CC2D2A: variants seen among roughly 807,000 people sequenced by gnomAD.
The protein encoded by CC2D2A is coiled-coil and C2 domain-containing protein 2A.
A neutral mutation model predicts 212.9 loss-of-function variants in CC2D2A; 155 were observed. That is an observed-to-expected ratio of 0.73 (90% CI 0.64 to 0.83). The LOEUF is 0.83. CC2D2A is among the 40% of genes least tolerant of loss of function. CC2D2A has a pLI of 0.00. For missense variants in CC2D2A, 1,856 were observed against 1,956.2 expected, an observed-to-expected ratio of 0.95 and a Z score of 0.97; for synonymous variants, 667 against 686.5, an observed-to-expected ratio of 0.97 and a Z score of 0.44.
chr4:15,569,731 G>A (rs764628209), intron 27 of CC2D2A, among the ~76,000 whole-genome samples: 1 of 152,118 alleles, frequency 6.6e-6, no homozygotes, highest in African/African-American at 2.4e-5. Flanking sequence ...TAAAGGATTC[G>A]TTTTCTAAAT....
chr4:15,501,911 G>A (rs946713463), intron 4 of CC2D2A, among the ~76,000 whole-genome samples: 2 of 152,152 alleles, frequency 1.3e-5, no homozygotes, highest in Non-Finnish European at 2.9e-5. Flanking sequence ...TACACAAAAT[G>A]TATATTGTCT....
At chr4:15,491,282 C>A (rs1268254343) in intron 4 of CC2D2A, among the ~76,000 whole-genome samples, 4 of 152,192 alleles carry the variant, frequency 2.6e-5, no homozygotes, top group Non-Finnish European at 5.9e-5. Context: ...TAATTATACC[C>A]TTTACAGTCG....
In CC2D2A at chr4:15,510,119, A is replaced by AT; in HGVS notation, c.439-13dup. 4 of 1,577,780 alleles carry AT rather than the reference A, an allele frequency of 2.5e-6. No individual in the cohort carries two copies. Among genetic ancestry groups the AT allele is most frequent in the African/African-American group, 2.7e-5 (2 of 74,130 alleles). ...TCTTGGGTTAAATGGTTTATCTATCATTTTTTTCCACTCATATAGCCAGGG... is the reference window on the plus strand; with the variant it reads ...TCTTGGGTTAAATGGTTTATCTATCATTTTTTTTCCACTCATATAGCCAGGG... On this transcript the variant is annotated intron_variant, in intron 6 of 36. Transcript: ENST00000424120.
intron 33 of CC2D2A, among the ~76,000 whole-genome samples, chr4:15,594,683 G>A (rs530900525): frequency 6.6e-6 from 1 of 152,296 alleles, no homozygotes; most frequent in African/African-American, 2.4e-5. Flanking sequence ...TTTAGTGGGA[G>A]GAACTGCAAA....
intron 1 of CC2D2A, among the ~76,000 whole-genome samples, chr4:15,471,971 C>A (rs931600010): frequency 6.6e-6 from 1 of 152,178 alleles, no homozygotes; most frequent in Non-Finnish European, 1.5e-5. Context: ...TAAAATAAAT[C>A]ATTGGCTTAA....
chr4:15,506,472 T>C (rs941065461), intron 6 of CC2D2A, among the ~76,000 whole-genome samples: 4 of 152,244 alleles, frequency 2.6e-5, no homozygotes, highest in African/African-American at 9.6e-5. Flanking sequence ...AGATTACTAA[T>C]GTTAAGCTTT....
Position 15,527,459 on chromosome 4 carries a change from G to T in CC2D2A, c.1162G>T (p.Val388Phe). The T allele has an allele frequency of 1.9e-6, 3 of 1,612,702 alleles. No individual in the cohort carries two copies. The highest frequency in any genetic ancestry group is 2.2e-5 in the East Asian group (1 of 44,874). Residue 388 changes from valine (V) to phenylalanine (F), a missense_variant, in exon 12 of 37, where the codon GTT becomes TTT. This residue lies in a region of CC2D2A where 1,512 missense variants were observed against 1,579.3 expected (regional missense o/e 0.96). Transcript: ENST00000424120. ...ETLYKKAVKY[V>F]HSSQHVIRSG... ...CTTTCCTTGGCAGGCTGTAAAATAC[G>T]TTCACAGTAGTCAGCATGTGATCAG...
At chr4:15,485,135 C>G (rs1004901120) in intron 4 of CC2D2A, among the ~76,000 whole-genome samples, 3 of 152,180 alleles carry the variant, frequency 2.0e-5, no homozygotes, top group African/African-American at 7.2e-5. Context: ...AACAAATGCT[C>G]AAGACAGGGT....
chr4:15,493,303 C>A (rs1715426675), intron 4 of CC2D2A, among the ~76,000 whole-genome samples: 1 of 152,008 alleles, frequency 6.6e-6, no homozygotes, highest in South Asian at 2.1e-4. Context: ...AGGTCTGGCT[C>A]TGTTGCTCAG....
chr4:15,542,225 T>C (rs1010852534), intron 17 of CC2D2A, among the ~76,000 whole-genome samples: 1 of 152,226 alleles, frequency 6.6e-6, no homozygotes, highest in Non-Finnish European at 1.5e-5. Context: ...CGGACATCAA[T>C]ATGTGGAGGA....
intron 33 of CC2D2A, among the ~76,000 whole-genome samples, chr4:15,595,061 C>T (rs940730471): frequency 4.6e-5 from 7 of 152,112 alleles, no homozygotes; most frequent in Non-Finnish European, 7.4e-5. Flanking sequence ...GTGATCCTCC[C>T]GCTTTGGCCT....
At chr4:15,498,309 T>G (rs2108993691) in intron 4 of CC2D2A, among the ~76,000 whole-genome samples, 1 of 152,354 alleles carries the variant, frequency 6.6e-6, no homozygotes, top group Admixed American at 6.5e-5. Context: ...TTTAATGGAA[T>G]GTCCTAAAAT....
intron 36 of CC2D2A, among the ~76,000 whole-genome samples, chr4:15,600,918 A>G (rs974687129): frequency 7.8e-5 from 9 of 115,934 alleles, no homozygotes; most frequent in Non-Finnish European, 1.6e-4. Context: ...AAAAAAAAAA[A>G]AAAGAAAAAA....
chr4:15,474,534 G>GTT, intron 1 of CC2D2A, among the ~76,000 whole-genome samples: 1 of 152,148 alleles, frequency 6.6e-6, no homozygotes, highest in African/African-American at 2.4e-5. Context: ...ATAACACAAT[G>GTT]AAAGGACTAT....
chr4:15,587,998 C>A, intron 32 of CC2D2A, 69 bp downstream of exon 32: 1 of 812,672 alleles, frequency 1.2e-6, no homozygotes, highest in Non-Finnish European at 2.0e-6. Context: ...TTCCAGATCA[C>A]ACACAGGACA....
At chr4:15,479,301 C>T in intron 3 of CC2D2A, 1 of 1,537,168 alleles carries the variant, frequency 6.5e-7, no homozygotes, top group Non-Finnish European at 8.7e-7. Flanking sequence ...AGGCTGGGAG[C>T]ATCCCGTGCA....
intron 14 of CC2D2A, among the ~76,000 whole-genome samples, chr4:15,534,451 CTTTAA>C (rs1024846352): frequency 2.0e-5 from 3 of 152,168 alleles, no homozygotes; most frequent in African/African-American, 2.4e-5. Context: ...CACATTTCAT[CTTTAA>C]TTTATTTGGA....
intron 30 of CC2D2A, among the ~76,000 whole-genome samples, chr4:15,581,776 T>C (rs2109084792): frequency 6.6e-6 from 1 of 152,328 alleles, no homozygotes; most frequent in South Asian, 2.1e-4. Flanking sequence ...ACTGAAAATC[T>C]AGTTGAAAGT....
In CC2D2A at chr4:15,567,928, A is replaced by G. The variant is rs939086182; in HGVS notation, c.3398+142A>G. ...TCCAGGTGTCCTGACGCCAAGTCCC[A>G]TGCTTTTCCTCTTGTACCACAGCTG... On this transcript the variant is annotated intron_variant, in intron 26 of 36. Transcript: ENST00000424120. 1.0e-5 allele frequency: 6 copies of G among 602,124 alleles called. No individual in the cohort carries two copies. The Admixed American group carries it at 1.9e-4, about 19-fold the overall frequency. The allele number at this position is 602,124 out of a possible 1,614,324, so 37.3% of individuals were successfully genotyped here. A position where few individuals can be genotyped will look rare whatever the true frequency, so the allele number is the denominator to read the frequency against.
Sources: gnomAD v4.1 joint callset for allele counts (sites outside exome capture counted in the v4.1 genomes callset) on GRCh38, gnomAD v4.1.1 for gene constraint, gnomAD v4.1.1 regional missense constraint, MANE v1.5 for transcripts, NCBI Gene and HGNC (gene_info 2026-07-23, HGNC 2026-07-21) for gene names.